Variants in TMEM213 observed in about 807,000 individuals in gnomAD.
TMEM213 encodes the protein transmembrane protein 213.
TMEM213 carries 7 observed loss-of-function variants against 11.6 expected under a neutral mutation model. The ratio of observed to expected loss-of-function variants is 0.60; its 90% CI spans 0.34 to 1.13. TMEM213 has a LOEUF of 1.13. Among genes scored for constraint, TMEM213 ranks in the 50% most tolerant of loss-of-function variants. The pLI is 0.03. For missense variants in TMEM213, 129 were observed against 139.0 expected (o/e 0.93, Z 0.36); for synonymous variants, 60 against 58.3 (o/e 1.03, Z -0.13).
chr7:138,798,109 A>G lies in TMEM213; in HGVS notation c.5A>G (p.Gln2Arg). Residue 2 changes from glutamine (Q) to arginine (R), a missense_variant, in exon 1 of 3, where the codon CAG becomes CGG. Transcript: ENST00000442682. ...GCACTCAGCACAGCCTCCAGCATGCAGCGCCTCCCCGCTGCCACCCGGGCC... is the reference window on the plus strand; with the variant it reads ...GCACTCAGCACAGCCTCCAGCATGCGGCGCCTCCCCGCTGCCACCCGGGCC... Reference protein sequence around the residue: MQRLPAATRATL... With the variant: MRRLPAATRATL... 1 of 1,597,462 alleles carries G rather than the reference A, an allele frequency of 6.3e-7. No homozygotes were observed. Among genetic ancestry groups the G allele is most frequent in the Non-Finnish European group, 8.5e-7 (1 of 1,172,712 alleles).
Position 138,798,047 on chromosome 7 carries a change from T to C in TMEM213, c.-58T>C, listed in dbSNP as rs750595409. 6.4e-7 allele frequency: 1 copy of C among 1,558,120 alleles called. No homozygotes were observed. Among genetic ancestry groups the C allele is most frequent in the Non-Finnish European group, 8.7e-7 (1 of 1,151,088 alleles). On this transcript the variant is annotated 5_prime_UTR_variant, in exon 1 of 3. Transcript: ENST00000442682. ...GAGTCGACTCACCTGCAGCAGGCAC[T>C]CGGCACAACTCCGCAGGACCGGCTC...
At chr7:138,802,187 A>G (rs770317660) in intron 2 of TMEM213, among the ~76,000 whole-genome samples, 6 of 150,496 alleles carry the variant, frequency 4.0e-5, no homozygotes, top group Non-Finnish European at 7.4e-5. Flanking sequence ...AGAAAGTTCC[A>G]CTTTATTTTG....
chr7:138,805,221 T>C lies in TMEM213; in HGVS notation c.*2152T>C, dbSNP rs1390575268. 5.2e-5 allele frequency: 7 copies of C among 134,154 alleles called. 1 individual carries two copies. Among genetic ancestry groups the C allele is most frequent in the Non-Finnish European group, 8.0e-5 (5 of 62,298 alleles). 8.3% of individuals were successfully genotyped at this position (134,154 alleles called of 1,614,324 possible). A position where few individuals can be genotyped will look rare whatever the true frequency, so the allele number is the denominator to read the frequency against. ...GAGCCTGAGCAACATAATGAGACCC[T>C]GTCTCTACAAAAAAAAAAAAAAGAT... On this transcript the variant is annotated 3_prime_UTR_variant, in exon 3 of 3. Transcript: ENST00000442682.
rs537566828 is a variant in TMEM213, at chr7:138,798,253, A to G, written c.82+67A>G. ...GAGGGAAGGAGGGAAGAGAGGTGGG[A>G]GGGAAAGAAGGAGGAGGGGGAAGAT... is the stretch of plus-strand genomic sequence containing the variant. On this transcript the variant is annotated intron_variant, in intron 1 of 2. Transcript: ENST00000442682. 1.0e-4 allele frequency: 147 copies of G among 1,400,330 alleles called. No homozygotes were observed. In the African/African-American group the frequency reaches 1.7e-3, roughly 16 times the overall value. The allele number at this position is 1,400,330 out of a possible 1,614,324, so 86.7% of individuals were successfully genotyped here.
At chr7:138,800,238 C>T (rs567316350) in intron 1 of TMEM213, among the ~76,000 whole-genome samples, 56 of 152,214 alleles carry the variant, frequency 3.7e-4, no homozygotes, top group African/African-American at 1.3e-3. Context: ...AAACAAGAAG[C>T]TGAGTTTTTT....
chr7:138,798,304 A>G, intron 1 of TMEM213, 118 bp downstream of exon 1: 2 of 679,050 alleles, frequency 2.9e-6, no homozygotes, highest in East Asian at 6.0e-5. Context: ...GGTCCTGCGC[A>G]AAGGAAGGAG....
intron 1 of TMEM213, 166 bp downstream of exon 1, chr7:138,798,352 GTGGGA>G: frequency 1.9e-6 from 1 of 533,148 alleles, no homozygotes; most frequent in Non-Finnish European, 3.4e-6. Context: ...TAGGCAGGGG[GTGGGA>G]GGTGGGGCTG....
At position 138,803,785 on chromosome 7, in the gene TMEM213, A is replaced by AG. The variant is rs1410727516; in HGVS notation, c.*716_*717insG. On this transcript the variant is annotated 3_prime_UTR_variant, in exon 3 of 3. Transcript: ENST00000442682. The stretch of plus-strand genomic sequence containing the variant: ...AGAGCAAGACTCTGTATCAGAAAAA[A>AG]AAAAAAAAAAAAGAATGTGAGGATC... 1 of 150,450 alleles carries AG rather than the reference A, an allele frequency of 6.6e-6. No homozygotes were observed. The highest frequency in any genetic ancestry group is 1.5e-5 in the Non-Finnish European group (1 of 67,818). 9.3% of individuals were successfully genotyped at this position (150,450 alleles called of 1,614,324 possible).
intron 1 of TMEM213, among the ~76,000 whole-genome samples, chr7:138,800,166 G>A (rs1584963168): frequency 6.6e-6 from 1 of 152,146 alleles, no homozygotes; most frequent in African/African-American, 2.4e-5. Flanking sequence ...TCTGAGTGGT[G>A]CTTCCAATAT....
rs754713091 is a variant in TMEM213, at chr7:138,802,945, T to G, written c.200T>G (p.Val67Gly). ...PQAARCCRTG[V>G]DEYGWIAAAV... Reference sequence around the variant, plus strand: ...GCAGCCCGGTGCTGCCGCACAGGAGTGGACGAGTACGGCTGGATCGCGGCA... The same window carrying G: ...GCAGCCCGGTGCTGCCGCACAGGAGGGGACGAGTACGGCTGGATCGCGGCA... Residue 67 changes from valine to glycine, a missense_variant, in exon 3 of 3, where the codon GTG becomes GGG. Coordinates refer to ENST00000442682, the MANE Select transcript of TMEM213 (RefSeq NM_001085429.2). 3.7e-6 allele frequency: 6 copies of G among 1,608,762 alleles called. No homozygotes were observed. In the Admixed American group the frequency reaches 1.0e-4, roughly 27 times the overall value.
rs757822612 is a variant in TMEM213, at chr7:138,803,077, G to A, written c.*8G>A. On this transcript the variant is annotated 3_prime_UTR_variant, in exon 3 of 3. Coordinates refer to ENST00000442682, the MANE Select transcript of TMEM213 (RefSeq NM_001085429.2). ...AAGGACTTGCAAGCGTGAGACCCAG[G>A]CTCGGTGCACAAAATGGTGATCGCC... The A allele has an allele frequency of 6.2e-7, 1 of 1,611,432 alleles. No homozygotes were observed.
rs60652526 is a variant in TMEM213 at position 138,802,115 on chromosome 7, G to A, written c.154+717G>A. 5.3e-5 allele frequency among the ~76,000 whole-genome samples: 8 copies of A among 152,078 alleles called. No individual in the cohort carries two copies. In the East Asian group the frequency reaches 5.8e-4, roughly 11 times the overall value. ...TGGGAGGCAGAGGTTGCTGTGAGCC[G>A]AAATTGCACCACTGCACTCCAGCCT... is the stretch of plus-strand genomic sequence containing the variant. On this transcript the variant is annotated intron_variant, in intron 2 of 2. Transcript: ENST00000442682.
rs577655055 is a variant in TMEM213, at chr7:138,804,821, C to T, written c.*1752C>T. 2 of 152,168 alleles carry T rather than the reference C, an allele frequency of 1.3e-5. No individual in the cohort carries two copies. Among genetic ancestry groups the T allele is most frequent in the South Asian group, 2.1e-4 (1 of 4,818 alleles). The allele number at this position is 152,168 out of a possible 1,614,324, so 9.4% of individuals were successfully genotyped here. A position where few individuals can be genotyped will look rare whatever the true frequency, so the allele number is the denominator to read the frequency against. ...GTGGACGTTGCACATCACTGTGAAACCTTGCAGAGGAGGAGAGGGCAGGTT... is the reference window on the plus strand; with the variant it reads ...GTGGACGTTGCACATCACTGTGAAATCTTGCAGAGGAGGAGAGGGCAGGTT... On this transcript the variant is annotated 3_prime_UTR_variant, in exon 3 of 3. Coordinates refer to ENST00000442682, the MANE Select transcript of TMEM213 (RefSeq NM_001085429.2).
Position 138,798,060 on chromosome 7 carries a change from G to T in TMEM213, c.-45G>T. 1 of 1,564,956 alleles carries T rather than the reference G, an allele frequency of 6.4e-7. No homozygotes were observed. The highest frequency in any genetic ancestry group is 2.4e-5 in the East Asian group (1 of 41,974). On this transcript the variant is annotated 5_prime_UTR_variant, in exon 1 of 3. Coordinates refer to ENST00000442682, the MANE Select transcript of TMEM213 (RefSeq NM_001085429.2). ...TGCAGCAGGCACTCGGCACAACTCC[G>T]CAGGACCGGCTCACCTGCACCGGGC...
At chr7:138,801,215 T>C in intron 1 of TMEM213, 112 bp from the exon 2 acceptor site, 1 of 992,694 alleles carries the variant, frequency 1.0e-6, no homozygotes, top group Non-Finnish European at 1.5e-6. Context: ...ATGCGGGAGC[T>C]TCTATAATAC....
In TMEM213 at chr7:138,804,589, C is replaced by T. The variant is rs1809045673; in HGVS notation, c.*1520C>T. 1 of 152,214 alleles carries T rather than the reference C, an allele frequency of 6.6e-6. No homozygotes were observed. Among genetic ancestry groups the T allele is most frequent in the Non-Finnish European group, 1.5e-5 (1 of 68,074 alleles). The allele number at this position is 152,214 out of a possible 1,614,324, so 9.4% of individuals were successfully genotyped here. A position where few individuals can be genotyped will look rare whatever the true frequency, so the allele number is the denominator to read the frequency against. ...TCCTCACACCCCTGGGGCATAGTAC[C>T]CTATTCAAGTTTGTCCAATGAGTGC... is the stretch of plus-strand genomic sequence containing the variant. On this transcript the variant is annotated 3_prime_UTR_variant, in exon 3 of 3. Transcript: ENST00000442682.
chr7:138,800,481 C>T (rs1034166016), intron 1 of TMEM213, among the ~76,000 whole-genome samples: 4 of 152,076 alleles, frequency 2.6e-5, no homozygotes, highest in African/African-American at 4.8e-5. Flanking sequence ...CTATGTGCTG[C>T]GTATTCTGGC....
In TMEM213 at chr7:138,798,100, C is replaced by T; in HGVS notation, c.-5C>T. ...CTGCACCGGGCACTCAGCACAGCCT[C>T]CAGCATGCAGCGCCTCCCCGCTGCC... is the stretch of plus-strand genomic sequence containing the variant. On this transcript the variant is annotated 5_prime_UTR_variant, in exon 1 of 3. Coordinates refer to ENST00000442682, the MANE Select transcript of TMEM213 (RefSeq NM_001085429.2). 6.3e-7 allele frequency: 1 copy of T among 1,595,232 alleles called. No individual in the cohort carries two copies. Among genetic ancestry groups the T allele is most frequent in the South Asian group, 1.1e-5 (1 of 87,674 alleles).
rs1466303872 is a variant in TMEM213 at position 138,803,221 on chromosome 7, C to A, written c.*152C>A. ...GGGAAAGAAGAAAGAGCGGGAGAAC[C>A]AAATAAGGCAAGCCAGTGCTGCCCT... On this transcript the variant is annotated 3_prime_UTR_variant, in exon 3 of 3. Coordinates refer to ENST00000442682, the MANE Select transcript of TMEM213 (RefSeq NM_001085429.2). 2 of 1,038,420 alleles carry A rather than the reference C, an allele frequency of 1.9e-6. No individual in the cohort carries two copies. The highest frequency in any genetic ancestry group is 2.8e-6 in the Non-Finnish European group (2 of 726,952). The allele number at this position is 1,038,420 out of a possible 1,614,324, so 64.3% of individuals were successfully genotyped here.
Sources: allele counts gnomAD v4.1 joint callset (sites outside exome capture counted in the v4.1 genomes callset), GRCh38; gene constraint gnomAD v4.1.1; transcripts MANE v1.5; gene names NCBI Gene and HGNC (gene_info 2026-07-23, HGNC 2026-07-21).